PPM1H: variants seen among roughly 807,000 people sequenced by gnomAD.
PPM1H encodes protein phosphatase 1H.
A neutral mutation model predicts 54.9 loss-of-function variants in PPM1H; 27 were observed. The ratio of observed to expected loss-of-function variants is 0.49; its 90% CI spans 0.36 to 0.68. The LOEUF is 0.68. Among genes scored for constraint, PPM1H ranks in the 30% least tolerant of loss-of-function variants. The pLI, the probability that PPM1H is intolerant of heterozygous loss-of-function variation, is 0.00. For missense variants in PPM1H, 596 were observed against 667.8 expected, an observed-to-expected ratio of 0.89 and a Z score of 1.19; for synonymous variants, 305 against 270.8, an observed-to-expected ratio of 1.13 and a Z score of -1.24.
chr12:62,887,349 CAAAGATATCT>C (rs1465168404), intron 1 of PPM1H, among the ~76,000 whole-genome samples: 1 of 152,172 alleles, frequency 6.6e-6, no homozygotes, highest in Non-Finnish European at 1.5e-5. Context: ...CTTTGGAATA[CAAAGATATCT>C]AAGATGTGGA....
rs543034706 is a variant in PPM1H, at chr12:62,836,131, T to TA, written c.246-3853dup. Among the ~76,000 whole-genome samples, 9 of 152,348 alleles carry TA rather than the reference T, an allele frequency of 5.9e-5. No individual in the cohort carries two copies. In the East Asian group the frequency reaches 1.7e-3, roughly 29 times the overall value. ...CTACATTCTTGGCCTAAACAATACT[T>TA]ACGCATGATGCTTATTTTGAAGGCT... is the stretch of plus-strand genomic sequence containing the variant. On this transcript the variant is annotated intron_variant, in intron 1 of 9. Coordinates refer to ENST00000228705, the MANE Select transcript of PPM1H (RefSeq NM_020700.2).
At chr12:62,766,320 C>T (rs1234403407) in intron 4 of PPM1H, among the ~76,000 whole-genome samples, 1 of 152,050 alleles carries the variant, frequency 6.6e-6, no homozygotes, top group Non-Finnish European at 1.5e-5. Flanking sequence ...CATACTTAAC[C>T]TTTACCCTTG....
rs367814438 is a variant in PPM1H, at chr12:62,691,330, A to G, written c.1138-1524T>C. 5.3e-5 allele frequency among the ~76,000 whole-genome samples: 8 copies of G among 152,344 alleles called. No homozygotes were observed. In the East Asian group the frequency reaches 7.7e-4, roughly 15 times the overall value. Reference sequence around the variant, plus strand: ...CTCTATTACCTGGGTGATAAGAGTAATTACCTCCTATGAGTGGGGATGAAG... The same window carrying G: ...CTCTATTACCTGGGTGATAAGAGTAGTTACCTCCTATGAGTGGGGATGAAG... On this transcript the variant is annotated intron_variant, in intron 7 of 9. Coordinates refer to ENST00000228705, the MANE Select transcript of PPM1H (RefSeq NM_020700.2).
At chr12:62,663,310 G>A (rs952012509) in intron 9 of PPM1H, among the ~76,000 whole-genome samples, 3 of 151,480 alleles carry the variant, frequency 2.0e-5, no homozygotes, top group African/African-American at 7.3e-5. Context: ...TTCAGGTGGG[G>A]CCTGAAAATC....
At chr12:62,929,780 A>G (rs12316918) in intron 1 of PPM1H, among the ~76,000 whole-genome samples, 9,597 of 152,214 alleles carry the variant, frequency 0.063, 644 homozygotes, top group East Asian at 0.34. Flanking sequence ...TCTGCTTTAA[A>G]ATAGGAAATT....
chr12:62,814,042 T>C (rs1382553194), intron 2 of PPM1H, among the ~76,000 whole-genome samples: 1 of 152,202 alleles, frequency 6.6e-6, no homozygotes, highest in Admixed American at 6.5e-5. Context: ...GTAGGTTATA[T>C]ATCAATAAAT....
chr12:62,840,033 C>T (rs1048868984), intron 1 of PPM1H: 17 of 147,220 alleles, frequency 1.2e-4, no homozygotes, highest in Admixed American at 8.8e-4. Flanking sequence ...AGAATAAGAC[C>T]GTGCCTCTCT....
chr12:62,681,431 C>A (rs1346203975), intron 8 of PPM1H, among the ~76,000 whole-genome samples: 2 of 152,196 alleles, frequency 1.3e-5, no homozygotes, highest in African/African-American at 2.4e-5. Context: ...GCAGCTCCCC[C>A]ATCTCCCATG....
At position 62,777,799 on chromosome 12, in the gene PPM1H, A is replaced by C. The variant is rs141521540; in HGVS notation, c.869+10427T>G. 5.9e-5 allele frequency among the ~76,000 whole-genome samples: 9 copies of C among 152,378 alleles called. No individual in the cohort carries two copies. The East Asian group carries it at 7.7e-4, about 13-fold the overall frequency. ...ACCAAAGAACAGAAGTTGTTAAAAC[A>C]TCAGTATAGTCACACCCTGCCTGAT... On this transcript the variant is annotated intron_variant, in intron 4 of 9. Transcript: ENST00000228705.
intron 9 of PPM1H, chr12:62,658,977 T>A: frequency 1.4e-6 from 1 of 717,206 alleles, no homozygotes. Flanking sequence ...AAAGGCTAGA[T>A]CTTGATGCCC....
chr12:62,863,823 G>A (rs1869687609), intron 1 of PPM1H, among the ~76,000 whole-genome samples: 1 of 152,174 alleles, frequency 6.6e-6, no homozygotes. Flanking sequence ...ATATGACTAA[G>A]ACCACTGCCC....
At chr12:62,892,968 C>G (rs939962491) in intron 1 of PPM1H, among the ~76,000 whole-genome samples, 1 of 152,132 alleles carries the variant, frequency 6.6e-6, no homozygotes, top group East Asian at 1.9e-4. Context: ...TTGCTTTCAG[C>G]AACAGAACAT....
chr12:62,844,590 C>T lies in PPM1H; in HGVS notation c.246-12311G>A, dbSNP rs1292081382. 6.6e-6 allele frequency among the ~76,000 whole-genome samples: 1 copy of T among 152,136 alleles called. No homozygotes were observed. The highest frequency in any genetic ancestry group is 6.5e-5 in the Admixed American group (1 of 15,278). ...AATGTAAGCGATTTTAAATTAGATG[C>T]TTAATACCATCCTTAAATAAAAAGG... On this transcript the variant is annotated intron_variant, in intron 1 of 9. Transcript: ENST00000228705. This position sits in a 1 kb window ranked among gnomAD's most constrained non-coding sequence, Gnocchi z 5.2.
intron 1 of PPM1H, among the ~76,000 whole-genome samples, chr12:62,932,610 G>T (rs576171257): frequency 1.6e-5 from 2 of 127,416 alleles, no homozygotes; most frequent in Non-Finnish European, 3.3e-5. Context: ...TTGCTGTCTC[G>T]TAAAGGGTCC....
chr12:62,798,515 T>C (rs642388), intron 3 of PPM1H, among the ~76,000 whole-genome samples: 12,687 of 152,058 alleles, frequency 0.083, 567 homozygotes, highest in South Asian at 0.15. Context: ...AAAGCCCCGG[T>C]AAGCTGTAGG....
intron 1 of PPM1H, among the ~76,000 whole-genome samples, chr12:62,932,267 A>G (rs1872162905): frequency 1.3e-5 from 2 of 152,086 alleles, no homozygotes; most frequent in South Asian, 4.1e-4. Flanking sequence ...AGGCCCAGAG[A>G]GGATGGGGGG....
chr12:62,900,678 A>G (rs1871143066), intron 1 of PPM1H, among the ~76,000 whole-genome samples: 1 of 152,040 alleles, frequency 6.6e-6, no homozygotes, highest in Non-Finnish European at 1.5e-5. Context: ...CATCTCCTAC[A>G]GGCCAACATT....
At chr12:62,891,865 G>T (rs1294290979) in intron 1 of PPM1H, among the ~76,000 whole-genome samples, 1 of 152,168 alleles carries the variant, frequency 6.6e-6, no homozygotes, top group African/African-American at 2.4e-5. Flanking sequence ...GGGGGCTCTG[G>T]GACATCTGTT....
chr12:62,814,677 G>A (rs554001559), intron 2 of PPM1H, among the ~76,000 whole-genome samples: 2 of 152,078 alleles, frequency 1.3e-5, no homozygotes, highest in Non-Finnish European at 2.9e-5. Flanking sequence ...TTATACAACC[G>A]GTGGAGGGGC....
Sources: gnomAD v4.1 joint callset for allele counts (sites outside exome capture counted in the v4.1 genomes callset) on GRCh38, gnomAD v4.1.1 for gene constraint, Gnocchi (gnomAD v3.1) non-coding constraint, MANE v1.5 for transcripts, NCBI Gene and HGNC (gene_info 2026-07-23, HGNC 2026-07-21) for gene names.